Variants in CNIH4 observed in about 807,000 individuals in gnomAD.
CNIH4 encodes the protein protein cornichon homolog 4.
A neutral mutation model predicts 21.5 loss-of-function variants in CNIH4; 9 were observed. The ratio of observed to expected loss-of-function variants is 0.42; its 90% CI spans 0.25 to 0.73. The LOEUF (loss-of-function observed/expected upper bound fraction) is 0.73. Ranked by LOEUF, CNIH4 falls within the 30% of genes least tolerant of loss-of-function variation. CNIH4 has a pLI of 0.27. For synonymous variants in CNIH4, 67 were observed against 59.1 expected, an observed-to-expected ratio of 1.13 and a Z score of -0.61; for missense variants, 159 against 170.0, an observed-to-expected ratio of 0.94 and a Z score of 0.36.
intron 1 of CNIH4, among the ~76,000 whole-genome samples, chr1:224,357,784 C>T (rs1672160584): frequency 6.6e-6 from 1 of 152,182 alleles, no homozygotes; most frequent in Non-Finnish European, 1.5e-5. Context: ...TTGCAGTATT[C>T]AAACTGTTTT....
intron 2 of CNIH4, among the ~76,000 whole-genome samples, chr1:224,361,114 A>ATTTT (rs34687621): frequency 1.6e-5 from 2 of 128,936 alleles, no homozygotes; most frequent in Non-Finnish European, 3.3e-5. Context: ...TGCCTGGCTA[A>ATTTT]TTTTTTTTTT....
At chr1:224,359,864 G>GA (rs1054284897) in intron 1 of CNIH4, among the ~76,000 whole-genome samples, 19 of 150,676 alleles carry the variant, frequency 1.3e-4, no homozygotes, top group African/African-American at 2.2e-4. Flanking sequence ...CCCGGCTAAT[G>GA]AAAAAAAAAG....
rs183720647 is a variant in CNIH4 at position 224,365,991 on chromosome 1, G to A, written c.251G>A (p.Arg84Gln). The A allele has an allele frequency of 9.4e-5, 145 of 1,550,558 alleles. No individual in the cohort carries two copies. Among genetic ancestry groups the A allele is most frequent in the Admixed American group, 7.3e-4 (44 of 59,880 alleles). Residue 84 changes from arginine (R) to glutamine (Q), a missense_variant and splice_region_variant, in exon 3 of 5, where the codon CGA becomes CAA. Arg to Gln is a conservative substitution (Grantham distance 43). Coordinates refer to ENST00000465271, the MANE Select transcript of CNIH4 (RefSeq NM_014184.4). ...CCTGTTGCCACTTGGAATATATATC[G>A]GTGAGTATAGTTTGTTTACTTTGGT... ...NLPVATWNIY[R>Q]YIMVPSGNMG...
intron 3 of CNIH4, among the ~76,000 whole-genome samples, chr1:224,369,828 C>T (rs1672572995): frequency 1.3e-5 from 2 of 151,882 alleles, no homozygotes; most frequent in Admixed American, 1.3e-4. Flanking sequence ...AGGCATGCGC[C>T]ACCACGCCTG....
chr1:224,375,917 C>A lies in CNIH4; in HGVS notation c.*95C>A. 6.8e-7 allele frequency: 1 copy of A among 1,479,808 alleles called. No individual in the cohort carries two copies. The allele number at this position is 1,479,808 out of a possible 1,614,324, so 91.7% of individuals were successfully genotyped here. On this transcript the variant is annotated 3_prime_UTR_variant, in exon 5 of 5. Transcript: ENST00000465271. ...ATCATCCTTAGAACCGTGACCATAG[C>A]AGTATATATTTTCCTCTTGGAACAA... is the stretch of plus-strand genomic sequence containing the variant.
chr1:224,373,874 T>A (rs1672706875), intron 4 of CNIH4, among the ~76,000 whole-genome samples: 1 of 152,116 alleles, frequency 6.6e-6, no homozygotes, highest in Admixed American at 6.5e-5. Flanking sequence ...CTGGAGGAAT[T>A]AAGATGTAAT....
intron 1 of CNIH4, among the ~76,000 whole-genome samples, chr1:224,358,773 C>G (rs1243807481): frequency 2.6e-5 from 4 of 152,110 alleles, no homozygotes; most frequent in Non-Finnish European, 5.9e-5. Flanking sequence ...TTTTAAATAG[C>G]CCTGGTTTAC....
chr1:224,359,309 G>A (rs138655897), intron 1 of CNIH4, among the ~76,000 whole-genome samples: 37 of 152,318 alleles, frequency 2.4e-4, no homozygotes, highest in African/African-American at 7.0e-4. Context: ...AGAAAGATTG[G>A]AAGATAAACC....
intron 4 of CNIH4, among the ~76,000 whole-genome samples, chr1:224,374,941 T>G (rs539289606): frequency 6.6e-6 from 1 of 152,330 alleles, no homozygotes; most frequent in East Asian, 1.9e-4. Context: ...CCATAAGTGA[T>G]GTAAGGATAT....
chr1:224,367,541 A>G (rs1412818574), intron 3 of CNIH4, among the ~76,000 whole-genome samples: 1 of 141,624 alleles, frequency 7.1e-6, no homozygotes, highest in Non-Finnish European at 1.5e-5. Flanking sequence ...TTTTTTTTTT[A>G]AGAGATGAAG....
chr1:224,371,154 G>T, intron 3 of CNIH4, 129 bp from the exon 4 acceptor site: 1 of 925,408 alleles, frequency 1.1e-6, no homozygotes, highest in South Asian at 1.8e-5. Flanking sequence ...TGGGATTACC[G>T]GCATGAGCCA....
In CNIH4 at chr1:224,376,769, C is replaced by G. The variant is rs1672793583; in HGVS notation, c.*947C>G. 1.0e-6 allele frequency: 1 copy of G among 983,318 alleles called. No homozygotes were observed. Among genetic ancestry groups the G allele is most frequent in the Admixed American group, 6.2e-5 (1 of 16,084 alleles). The allele number at this position is 983,318 out of a possible 1,614,324, so 60.9% of individuals were successfully genotyped here. A position where few individuals can be genotyped will look rare whatever the true frequency, so the allele number is the denominator to read the frequency against. On this transcript the variant is annotated 3_prime_UTR_variant, in exon 5 of 5. Coordinates refer to ENST00000465271, the MANE Select transcript of CNIH4 (RefSeq NM_014184.4). ...TTTCATGGACATAGCAATATACAACCAAACTCTGTTCCTTGGAGTTATATT... is the reference window on the plus strand; with the variant it reads ...TTTCATGGACATAGCAATATACAACGAAACTCTGTTCCTTGGAGTTATATT...
At chr1:224,362,702 C>G (rs997853271) in intron 2 of CNIH4, among the ~76,000 whole-genome samples, 1 of 151,954 alleles carries the variant, frequency 6.6e-6, no homozygotes, top group African/African-American at 2.4e-5. Flanking sequence ...ACCATGTTAG[C>G]CAGGATGGTC....
intron 1 of CNIH4, 54 bp from the exon 2 acceptor site, chr1:224,360,441 T>G: frequency 1.1e-6 from 1 of 925,168 alleles, no homozygotes; most frequent in East Asian, 3.2e-5. Flanking sequence ...TTCTGAAACT[T>G]AAATACTTAG....
At chr1:224,370,439 G>T (rs1391113379) in intron 3 of CNIH4, among the ~76,000 whole-genome samples, 3 of 152,208 alleles carry the variant, frequency 2.0e-5, no homozygotes, top group African/African-American at 7.2e-5. Context: ...AAGAAGCTTA[G>T]ACGTGAGAGC....
chr1:224,365,950 C>A lies in CNIH4; in HGVS notation c.210C>A (p.Ile70=), dbSNP rs760685072. ...TGCTCATGTCATTGCACTGGTTCAT[C>A]TTCCTTCTCAACTTACCTGTTGCCA... The part of the protein sequence containing the change: ...VLLLMSLHWF[I]FLLNLPVATW... Residue 70 remains isoleucine, a synonymous_variant, in exon 3 of 5, where the codon ATC becomes ATA. Coordinates refer to ENST00000465271, the MANE Select transcript of CNIH4 (RefSeq NM_014184.4). The A allele has an allele frequency of 4.3e-6, 7 of 1,612,206 alleles. No homozygotes were observed. Among genetic ancestry groups the A allele is most frequent in the Non-Finnish European group, 5.1e-6 (6 of 1,178,354 alleles).
chr1:224,361,007 G>T (rs933027055), intron 2 of CNIH4, among the ~76,000 whole-genome samples: 4 of 151,650 alleles, frequency 2.6e-5, no homozygotes, highest in African/African-American at 9.7e-5. Context: ...GAGAGAGAAG[G>T]TTTCTTGCAG....
intron 3 of CNIH4, among the ~76,000 whole-genome samples, chr1:224,366,939 G>A (rs1204181262): frequency 6.6e-6 from 1 of 151,494 alleles, no homozygotes; most frequent in Non-Finnish European, 1.5e-5. Context: ...ACCAGCCTGG[G>A]CGACAGAGCG....
At chr1:224,361,191 C>T (rs1263575566) in intron 2 of CNIH4, among the ~76,000 whole-genome samples, 2 of 149,898 alleles carry the variant, frequency 1.3e-5, no homozygotes, top group East Asian at 3.9e-4. Flanking sequence ...TCTGGACTCA[C>T]TGCAGCCTCT....
Sources: allele counts gnomAD v4.1 joint callset (sites outside exome capture counted in the v4.1 genomes callset), GRCh38; gene constraint gnomAD v4.1.1; transcripts MANE v1.5; gene names NCBI Gene and HGNC (gene_info 2026-07-23, HGNC 2026-07-21).